The following ENOX2 variants were observed in gnomAD, a reference collection of about 807,000 sequenced individuals.
ENOX2 encodes ecto-NOX disulfide-thiol exchanger 2.
Under a neutral mutation model 45.0 loss-of-function variants are expected in ENOX2, and 36 were observed. The observed-to-expected ratio is 0.80, with a 90% confidence interval of 0.61 to 1.06. The LOEUF is 1.06. ENOX2 is among the 50% of genes least tolerant of loss of function. The pLI is 0.00. For missense variants in ENOX2, 423 were observed against 462.5 expected (o/e 0.91, Z 0.78); for synonymous variants, 174 against 152.3 (o/e 1.14, Z -1.05).
chrX:130,707,705 C>T (rs1170435379), intron 3 of ENOX2, among the ~76,000 whole-genome samples: 1 of 112,109 alleles, frequency 8.9e-6, no homozygotes, highest in African/African-American at 3.2e-5. Flanking sequence ...TTTATGCTCA[C>T]TGTAATTTTG....
chrX:130,865,901 T>C (rs1351026439), intron 2 of ENOX2, among the ~76,000 whole-genome samples: 4 of 111,355 alleles, frequency 3.6e-5, no homozygotes, highest in Non-Finnish European at 5.7e-5. Context: ...CTTTATATAA[T>C]TCATTTCCTC....
intron 3 of ENOX2, among the ~76,000 whole-genome samples, chrX:130,735,777 T>A (rs963916582): frequency 5.4e-5 from 6 of 111,892 alleles, no homozygotes; most frequent in Non-Finnish European, 1.1e-4. Context: ...ATAATGGAAA[T>A]CTTTGTAGCC....
At position 130,827,691 on chromosome X, in the gene ENOX2, T is replaced by A. The variant is rs191920830; in HGVS notation, c.-182-44001A>T. Among the ~76,000 whole-genome samples, 391 of 111,822 alleles carry A rather than the reference T, an allele frequency of 3.5e-3. 2 individuals are homozygous for A. The highest frequency in any genetic ancestry group is 0.012 in the African/African-American group (374 of 30,879). Reference sequence around the variant, plus strand: ...GATACATAGCCAGATAAAAGTATATTAATGTCCATCCAATTCTACACAGTT... The same window carrying A: ...GATACATAGCCAGATAAAAGTATATAAATGTCCATCCAATTCTACACAGTT... On this transcript the variant is annotated intron_variant, in intron 2 of 14. Transcript: ENST00000394363.
At chrX:130,719,387 G>C (rs1301319509) in intron 3 of ENOX2, among the ~76,000 whole-genome samples, 1 of 106,493 alleles carries the variant, frequency 9.4e-6, no homozygotes, top group African/African-American at 3.5e-5. Context: ...GGGTGTGAGA[G>C]AAAGAATGCT....
intron 1 of ENOX2, among the ~76,000 whole-genome samples, chrX:130,902,700 C>T (rs1387781795): frequency 1.9e-5 from 2 of 106,281 alleles, no homozygotes; most frequent in Non-Finnish European, 3.9e-5. Context: ...AGTCCAGTCA[C>T]CGCCTAGGCA....
At chrX:130,645,809 C>A in intron 10 of ENOX2, 1 of 777,078 alleles carries the variant, frequency 1.3e-6, no homozygotes, top group Non-Finnish European at 2.0e-6. Flanking sequence ...CGCTTGTCTA[C>A]TTCCTCAGCA....
intron 2 of ENOX2, among the ~76,000 whole-genome samples, chrX:130,816,733 T>C (rs1001736513): frequency 1.8e-5 from 2 of 111,546 alleles, no homozygotes; most frequent in Admixed American, 1.9e-4. Flanking sequence ...AAAGACACAA[T>C]GTACTAGAAT....
chrX:130,703,074 T>C, intron 4 of ENOX2, 46 bp downstream of exon 4: 1 of 1,151,817 alleles, frequency 8.7e-7, no homozygotes, highest in South Asian at 2.0e-5. Context: ...TATAACCACA[T>C]GGTCAATAAA....
At chrX:130,879,311 C>G (rs1161621208) in intron 2 of ENOX2, among the ~76,000 whole-genome samples, 1 of 111,797 alleles carries the variant, frequency 8.9e-6, no homozygotes, top group Non-Finnish European at 1.9e-5. Flanking sequence ...CATCCCAATT[C>G]CTGTTCAATA....
At chrX:130,849,674 T>C (rs1203223209) in intron 2 of ENOX2, among the ~76,000 whole-genome samples, 1 of 111,998 alleles carries the variant, frequency 8.9e-6, no homozygotes, top group Non-Finnish European at 1.9e-5. Context: ...GAACCCCAGA[T>C]TGGAAATTAG....
intron 2 of ENOX2, among the ~76,000 whole-genome samples, chrX:130,891,328 T>C (rs1052234087): frequency 5.5e-5 from 6 of 108,898 alleles, no homozygotes; most frequent in Non-Finnish European, 1.1e-4. Flanking sequence ...CAGGAATAGT[T>C]TGTTTTCCTC....
chrX:130,847,760 T>C lies in ENOX2; in HGVS notation c.-183+53924A>G, dbSNP rs146621694. 7.1e-5 allele frequency among the ~76,000 whole-genome samples: 8 copies of C among 112,600 alleles called. No individual in the cohort carries two copies. The East Asian group carries it at 2.2e-3, about 31-fold the overall frequency. On this transcript the variant is annotated intron_variant, in intron 2 of 14. Transcript: ENST00000394363. ...TGACTGACCATGATACAAACTATTGTTGTACATTATATAATGTTCAATGAT... is the reference window on the plus strand; with the variant it reads ...TGACTGACCATGATACAAACTATTGCTGTACATTATATAATGTTCAATGAT...
intron 2 of ENOX2, among the ~76,000 whole-genome samples, chrX:130,803,087 T>C (rs1043548485): frequency 1.9e-4 from 21 of 112,141 alleles, no homozygotes; most frequent in African/African-American, 6.8e-4. Context: ...ATGGGCTTTA[T>C]GCATATTTGG....
chrX:130,842,880 T>C (rs924965882), intron 2 of ENOX2, among the ~76,000 whole-genome samples: 9 of 111,204 alleles, frequency 8.1e-5, no homozygotes, highest in Non-Finnish European at 1.9e-5. Context: ...TGAGAGTTCA[T>C]GGATACACCT....
At chrX:130,682,583 CAAAAAAAAAAAAAAAAAA>C (rs55875735) in intron 5 of ENOX2, among the ~76,000 whole-genome samples, 4 of 14,661 alleles carry the variant, frequency 2.7e-4, no homozygotes, top group South Asian at 0.014. Context: ...GACTCCGTCT[CAAAAAAAAAAAAAAAAAA>C]AAAAAAAAAA....
At chrX:130,692,670 T>C (rs1265646989) in intron 4 of ENOX2, among the ~76,000 whole-genome samples, 1 of 105,143 alleles carries the variant, frequency 9.5e-6, no homozygotes, top group Non-Finnish European at 1.9e-5. Flanking sequence ...AACCTCCGCC[T>C]CCCGGGTTCA....
chrX:130,659,654 G>A (rs187881768), intron 9 of ENOX2, among the ~76,000 whole-genome samples: 2 of 112,583 alleles, frequency 1.8e-5, no homozygotes, highest in African/African-American at 3.2e-5. Context: ...ACAACTTACC[G>A]CATTAGGAAA....
At chrX:130,755,278 TTA>T (rs1316782118) in intron 3 of ENOX2, among the ~76,000 whole-genome samples, 1 of 108,200 alleles carries the variant, frequency 9.2e-6, no homozygotes, top group East Asian at 2.9e-4. Context: ...TATAAGGTTG[TTA>T]TCAGAAGTAA....
intron 2 of ENOX2, among the ~76,000 whole-genome samples, chrX:130,835,248 T>C (rs1161477821): frequency 9.0e-6 from 1 of 111,581 alleles, no homozygotes; most frequent in Non-Finnish European, 1.9e-5. Context: ...AAAAGTTAAA[T>C]AGTAAAAATA....
Sources: allele counts gnomAD v4.1 joint callset (sites outside exome capture counted in the v4.1 genomes callset), GRCh38; gene constraint gnomAD v4.1.1; transcripts MANE v1.5; gene names NCBI Gene and HGNC (gene_info 2026-07-23, HGNC 2026-07-21).